Variants in KDM4C observed in about 807,000 individuals in gnomAD.
KDM4C encodes the protein lysine-specific demethylase 4C.
KDM4C carries 81 observed loss-of-function variants against 129.3 expected under a neutral mutation model. The observed-to-expected ratio is 0.63, with a 90% CI of 0.52 to 0.75. The LOEUF is 0.75. Among genes scored for constraint, KDM4C ranks in the 30% least tolerant of loss-of-function variants. The pLI, the probability that KDM4C is intolerant of heterozygous loss-of-function variation, is 0.00. For missense variants in KDM4C, 1,457 were observed against 1,304.0 expected (o/e 1.12, Z -1.81); for synonymous variants, 573 against 456.1 (o/e 1.26, Z -3.26).
intron 9 of KDM4C, among the ~76,000 whole-genome samples, chr9:6,983,573 GACACACACACACACACAC>G (rs56086219): frequency 2.8e-5 from 4 of 142,722 alleles, no homozygotes; most frequent in East Asian, 4.1e-4. Context: ...GTGTCTTTAT[GACACACACACACACACAC>G]ACACACACAC....
intron 4 of KDM4C, among the ~76,000 whole-genome samples, chr9:6,820,652 C>A (rs1188703475): frequency 6.6e-6 from 1 of 150,854 alleles, no homozygotes. Context: ...TAGTCATCCT[C>A]GACAGAAGAG....
In KDM4C at chr9:6,816,031, A is replaced by G. The variant is rs11792483; in HGVS notation, c.435+1286A>G. Among the ~76,000 whole-genome samples, 481 of 152,246 alleles carry G rather than the reference A, an allele frequency of 3.2e-3. 3 individuals carry two copies. The highest frequency in any genetic ancestry group is 4.7e-3 in the Non-Finnish European group (322 of 68,032). ...TTATCTAGTGTATAGACCATATTCA[A>G]ATTTTCCCAGTAATGTTATAACTGT... On this transcript the variant is annotated intron_variant, in intron 4 of 21. Coordinates refer to ENST00000381309, the MANE Select transcript of KDM4C (RefSeq NM_015061.6).
At chr9:7,075,255 A>G (rs972868583) in intron 17 of KDM4C, among the ~76,000 whole-genome samples, 11 of 152,104 alleles carry the variant, frequency 7.2e-5, no homozygotes, top group African/African-American at 2.7e-4. Context: ...TGCTCGGTTA[A>G]TGGTTTGTTT....
intron 5 of KDM4C, among the ~76,000 whole-genome samples, chr9:6,878,189 C>T (rs1399146589): frequency 6.6e-6 from 1 of 152,166 alleles, no homozygotes; most frequent in Non-Finnish European, 1.5e-5. Flanking sequence ...GGAAATATTA[C>T]ATGTCTTCCG....
rs1265888678 is a variant in KDM4C at position 6,880,061 on chromosome 9, G to A, written c.679G>A (p.Gly227Ser). ...AAAACGACTTGAAAGACTAGCTCAAGGTAAAACTTGCTTTTTAAATTTGTT... is the reference window on the plus strand; with the variant it reads ...AAAACGACTTGAAAGACTAGCTCAAAGTAAAACTTGCTTTTTAAATTTGTT... ...HGKRLERLAQ[G>S]FFPSSSQGCD... Residue 227 changes from glycine (G) to serine (S), a missense_variant and splice_region_variant, in exon 6 of 22, where the codon GGT (glycine) becomes AGT (serine). By Grantham distance (56) the Gly-to-Ser change is moderately conservative. Transcript: ENST00000381309. 1.3e-6 allele frequency: 2 copies of A among 1,591,812 alleles called. No individual in the cohort carries two copies.
chr9:7,053,803 A>G (rs1479234395), intron 17 of KDM4C, among the ~76,000 whole-genome samples: 2 of 152,252 alleles, frequency 1.3e-5, no homozygotes, highest in African/African-American at 4.8e-5. Context: ...AAAATGCTAC[A>G]GGTTGCTATC....
At chr9:7,063,965 C>T (rs1832063494) in intron 17 of KDM4C, among the ~76,000 whole-genome samples, 1 of 152,204 alleles carries the variant, frequency 6.6e-6, no homozygotes, top group African/African-American at 2.4e-5. Flanking sequence ...TCTTTTGGAG[C>T]TGTGCTGTCT....
rs535158493 is a variant in KDM4C at position 6,721,740 on chromosome 9, C to T, written c.49+743C>T. ...AGTAGCTGGGATTACAGGTGCCTGC[C>T]GCCACGCCCGGCTAATTTTTTGTAT... On this transcript the variant is annotated intron_variant, in intron 1 of 17. Transcript: ENST00000536108. Among the ~76,000 whole-genome samples, 20 of 152,126 alleles carry T rather than the reference C, an allele frequency of 1.3e-4. 2 individuals carry two copies. The South Asian group carries it at 3.1e-3, about 24-fold the overall frequency.
chr9:6,776,332 C>T (rs1588183874), intron 1 of KDM4C, among the ~76,000 whole-genome samples: 2 of 152,156 alleles, frequency 1.3e-5, no homozygotes, highest in East Asian at 1.9e-4. Flanking sequence ...GGCACGATCT[C>T]GGCTTACTGC....
At chr9:6,828,252 A>G (rs1243529547) in intron 4 of KDM4C, among the ~76,000 whole-genome samples, 1 of 151,898 alleles carries the variant, frequency 6.6e-6, no homozygotes, top group Non-Finnish European at 1.5e-5. Context: ...GGTTCAGGCC[A>G]TTCTCCTGTC....
chr9:7,052,859 C>G (rs987379335), intron 17 of KDM4C, among the ~76,000 whole-genome samples: 1 of 6,386 alleles, frequency 1.6e-4, no homozygotes, highest in Admixed American at 1.5e-3. Context: ...TCTGGCCACA[C>G]CTGCAGAGAG....
intron 2 of KDM4C, among the ~76,000 whole-genome samples, chr9:6,804,179 T>G (rs62568035): frequency 0.13 from 20,190 of 152,242 alleles, 1,713 homozygotes; most frequent in African/African-American, 0.23. Context: ...ATGTTTTCTG[T>G]ATCTTTTCAC....
intron 17 of KDM4C, among the ~76,000 whole-genome samples, chr9:7,096,180 A>AT (rs995334334): frequency 1.1e-4 from 16 of 152,080 alleles, no homozygotes; most frequent in African/African-American, 3.4e-4. Flanking sequence ...TAAGTGATTG[A>AT]TTTTTTTTCA....
Position 7,076,530 on chromosome 9 carries a change from C to G in KDM4C, c.2425-27155C>G, listed in dbSNP as rs1470230613. On this transcript the variant is annotated intron_variant, in intron 17 of 21. Transcript: ENST00000381309. ...ATCAATTCATTAGGAAAGTTACATC[C>G]CCTCCGCCACTGTTTCAGATGCTGT... 2.6e-6 allele frequency: 4 copies of G among 1,539,676 alleles called. No homozygotes were observed. The African/African-American group carries it at 5.5e-5, about 21-fold the overall frequency.
rs1822639778 is a variant in KDM4C at position 6,926,753 on chromosome 9, C to T, written c.921+33521C>T. 3.3e-5 allele frequency among the ~76,000 whole-genome samples: 5 copies of T among 152,172 alleles called. No homozygotes were observed. The South Asian group carries it at 1.0e-3, about 32-fold the overall frequency. Reference sequence around the variant, plus strand: ...ACATTGGGGTGTGTTTAGTAGTTTACAGATTGTTAAAAGAAACTCTTGATG... The same window carrying T: ...ACATTGGGGTGTGTTTAGTAGTTTATAGATTGTTAAAAGAAACTCTTGATG... On this transcript the variant is annotated intron_variant, in intron 8 of 21. Transcript: ENST00000381309.
intron 12 of KDM4C, among the ~76,000 whole-genome samples, chr9:7,007,453 G>T (rs1821885367): frequency 6.6e-6 from 1 of 152,158 alleles, no homozygotes; most frequent in African/African-American, 2.4e-5. Context: ...AAAGAACCTA[G>T]GGAGAAAAGG....
chr9:7,115,134 G>A (rs1372327995), intron 18 of KDM4C, among the ~76,000 whole-genome samples: 1 of 152,020 alleles, frequency 6.6e-6, no homozygotes, highest in Non-Finnish European at 1.5e-5. Context: ...TGGGACACTT[G>A]ATACTTGACA....
chr9:6,760,592 A>G (rs1255612397), intron 1 of KDM4C, among the ~76,000 whole-genome samples: 1 of 145,780 alleles, frequency 6.9e-6, no homozygotes, highest in Non-Finnish European at 1.5e-5. Context: ...ATTTTTTGAG[A>G]CGAAGTCTCA....
intron 12 of KDM4C, among the ~76,000 whole-genome samples, chr9:7,001,732 CT>C (rs1165200330): frequency 1.0e-4 from 15 of 150,452 alleles, no homozygotes; most frequent in Admixed American, 2.0e-4. Flanking sequence ...AAGCTGACAT[CT>C]TTTTTTTTTT....
Sources: allele counts gnomAD v4.1 joint callset (sites outside exome capture counted in the v4.1 genomes callset), GRCh38; gene constraint gnomAD v4.1.1; transcripts MANE v1.5; gene names NCBI Gene and HGNC (gene_info 2026-07-23, HGNC 2026-07-21).